The following BMP2K variants were observed in gnomAD, a reference collection of about 807,000 sequenced individuals.
BMP2K encodes BMP2 inducible kinase.
Under a neutral mutation model 116.0 loss-of-function variants are expected in BMP2K, and 74 were observed. The ratio of observed to expected loss-of-function variants is 0.64; its 90% CI spans 0.53 to 0.77. The LOEUF (loss-of-function observed/expected upper bound fraction) is 0.77. BMP2K is among the 30% of genes least tolerant of loss of function. BMP2K has a pLI of 0.00. For missense variants in BMP2K, 1,365 were observed against 1,403.6 expected (o/e 0.97, Z 0.44); for synonymous variants, 486 against 502.5 (o/e 0.97, Z 0.44).
Position 78,851,333 on chromosome 4 carries a change from G to A in BMP2K, c.883+277G>A, listed in dbSNP as rs559791742. On this transcript the variant is annotated intron_variant, in intron 7 of 15. Transcript: ENST00000502613. ...AAGGGCTAGTCTTCGAGAGGCCCTC[G>A]ATTTCAAAAGAATATTTTAATTTTT... is the stretch of plus-strand genomic sequence containing the variant. Among the ~76,000 whole-genome samples the A allele has an allele frequency of 1.5e-3, 222 of 152,096 alleles. 2 individuals carry two copies. Among genetic ancestry groups the A allele is most frequent in the Middle Eastern group, 0.01 (3 of 294 alleles).
At chr4:78,897,381 GT>G (rs1368502866) in intron 15 of BMP2K, among the ~76,000 whole-genome samples, 3 of 151,940 alleles carry the variant, frequency 2.0e-5, no homozygotes, top group Non-Finnish European at 2.9e-5. Context: ...ATTTAGTGCT[GT>G]TTTTAAAATG....
chr4:78,833,109 T>A (rs1730286680), intron 2 of BMP2K, among the ~76,000 whole-genome samples: 1 of 152,078 alleles, frequency 6.6e-6, no homozygotes, highest in Admixed American at 6.5e-5. Context: ...TTTAGCCACT[T>A]GTTCATTTTT....
chr4:78,839,398 GTTGGCCAAAGAAAATCAC>G (rs1560523476), intron 3 of BMP2K, among the ~76,000 whole-genome samples: 1 of 152,166 alleles, frequency 6.6e-6, no homozygotes, highest in East Asian at 1.9e-4. Flanking sequence ...ACCTGTTTCT[GTTGGCCAAAGAAAATCAC>G]ATGACTGAGC....
At chr4:78,804,854 T>G (rs1388380764) in intron 1 of BMP2K, among the ~76,000 whole-genome samples, 1 of 152,114 alleles carries the variant, frequency 6.6e-6, no homozygotes, top group Non-Finnish European at 1.5e-5. Flanking sequence ...TTTGCAAATA[T>G]CTTCTCCCAT....
intron 7 of BMP2K, among the ~76,000 whole-genome samples, chr4:78,851,996 G>A (rs552965523): frequency 6.6e-6 from 1 of 152,106 alleles, no homozygotes; most frequent in East Asian, 1.9e-4. Flanking sequence ...AATTTATGAA[G>A]CTCGTGTAAA....
intron 8 of BMP2K, chr4:78,859,934 A>G (rs1467911814): frequency 1.1e-5 from 6 of 559,356 alleles, no homozygotes; most frequent in Middle Eastern, 3.6e-4. Flanking sequence ...TGAGGAAAAC[A>G]CAGGGACATC....
At chr4:78,798,900 T>C (rs1481436287) in intron 1 of BMP2K, among the ~76,000 whole-genome samples, 1 of 152,220 alleles carries the variant, frequency 6.6e-6, no homozygotes, top group African/African-American at 2.4e-5. Flanking sequence ...TTGTTCTTTT[T>C]ATGGCACTTA....
intron 15 of BMP2K, among the ~76,000 whole-genome samples, chr4:78,906,421 G>C (rs555276705): frequency 2.4e-4 from 37 of 152,200 alleles, no homozygotes; most frequent in African/African-American, 6.3e-4. Flanking sequence ...CCAGTTGCCC[G>C]TACTATTTGC....
chr4:78,837,503 T>C (rs370445775), intron 3 of BMP2K, among the ~76,000 whole-genome samples: 22 of 152,326 alleles, frequency 1.4e-4, no homozygotes, highest in African/African-American at 4.8e-4. Flanking sequence ...CTTGACTCTT[T>C]CGTGTTCTCT....
In BMP2K at chr4:78,878,876, G is replaced by A. The variant is rs778352609; in HGVS notation, c.1936G>A (p.Asp646Asn). 1 of 1,612,064 alleles carries A rather than the reference G, an allele frequency of 6.2e-7. No homozygotes were observed. Among genetic ancestry groups the A allele is most frequent in the Non-Finnish European group, 8.5e-7 (1 of 1,179,318 alleles). ...TEEELLDREF[D>N]LLRSNRLEER... ...AGAGGAACTATTGGACAGAGAATTT[G>A]ACCTTCTAAGATCAAGTAAGGGACA... is the stretch of plus-strand genomic sequence containing the variant. Residue 646 changes from aspartate (D) to asparagine (N), a missense_variant, in exon 14 of 16, where the codon GAC becomes AAC. Asp to Asn is a conservative substitution (Grantham distance 23). Coordinates refer to ENST00000502613, the MANE Select transcript of BMP2K (RefSeq NM_198892.2).
At chr4:78,810,234 G>T (rs1209237526) in intron 1 of BMP2K, among the ~76,000 whole-genome samples, 1 of 152,200 alleles carries the variant, frequency 6.6e-6, no homozygotes, top group Non-Finnish European at 1.5e-5. Context: ...AGCTCCTCGT[G>T]AGCCTTCTTT....
chr4:78,863,781 T>C (rs1176352731), intron 9 of BMP2K, among the ~76,000 whole-genome samples: 1 of 152,170 alleles, frequency 6.6e-6, no homozygotes, highest in East Asian at 1.9e-4. Flanking sequence ...TCCCATTCCT[T>C]CACATAGAAT....
At chr4:78,882,258 G>A (rs1389349703) in intron 14 of BMP2K, among the ~76,000 whole-genome samples, 1 of 151,640 alleles carries the variant, frequency 6.6e-6, no homozygotes, top group Non-Finnish European at 1.5e-5. Flanking sequence ...GAAAACAGTT[G>A]ATTTCCTATA....
intron 6 of BMP2K, among the ~76,000 whole-genome samples, chr4:78,847,561 G>C (rs571113910): frequency 6.6e-6 from 1 of 151,334 alleles, no homozygotes; most frequent in Non-Finnish European, 1.5e-5. Flanking sequence ...CATTTTTTTT[G>C]AGTGGAATTT....
At chr4:78,785,242 C>T (rs965819489) in intron 1 of BMP2K, among the ~76,000 whole-genome samples, 8 of 152,112 alleles carry the variant, frequency 5.3e-5, no homozygotes, top group African/African-American at 1.9e-4. Context: ...TCCCAAGTAG[C>T]TGGGATTACA....
chr4:78,863,942 A>AT (rs1323487857), intron 9 of BMP2K, among the ~76,000 whole-genome samples: 3 of 152,138 alleles, frequency 2.0e-5, no homozygotes, highest in Non-Finnish European at 4.4e-5. Flanking sequence ...GGCACTGATG[A>AT]TTTTTACTAT....
intron 3 of BMP2K, among the ~76,000 whole-genome samples, chr4:78,841,190 TAAAAG>T (rs1457799811): frequency 6.6e-6 from 1 of 152,152 alleles, no homozygotes; most frequent in Non-Finnish European, 1.5e-5. Context: ...ACAGTAATAA[TAAAAG>T]GAACAAGTTT....
chr4:78,812,002 T>C (rs1189096673), intron 1 of BMP2K, among the ~76,000 whole-genome samples: 2 of 152,100 alleles, frequency 1.3e-5, no homozygotes, highest in Non-Finnish European at 2.9e-5. Context: ...AGACAGAGTC[T>C]CGCTCTTATC....
intron 2 of BMP2K, among the ~76,000 whole-genome samples, chr4:78,832,122 T>C: frequency 6.6e-6 from 1 of 152,198 alleles, no homozygotes; most frequent in East Asian, 1.9e-4. Flanking sequence ...TTGGGCTGTT[T>C]CTGTCTTTTG....
Sources: gnomAD v4.1 joint callset for allele counts (sites outside exome capture counted in the v4.1 genomes callset) on GRCh38, gnomAD v4.1.1 for gene constraint, MANE v1.5 for transcripts, NCBI Gene and HGNC (gene_info 2026-07-23, HGNC 2026-07-21) for gene names.